The following PTPRG variants were observed in gnomAD, a reference collection of about 807,000 sequenced individuals.
PTPRG encodes the protein protein tyrosine phosphatase receptor type G.
In PTPRG, 102 loss-of-function variants were observed where a neutral mutation model predicts 165.3. The observed-to-expected ratio is 0.62, with a 90% CI of 0.53 to 0.73. The LOEUF (loss-of-function observed/expected upper bound fraction) is 0.73, where lower values mean the gene tolerates loss of function less well. Among genes scored for constraint, PTPRG ranks in the 30% least tolerant of loss-of-function variants. The pLI is 0.00. For synonymous variants in PTPRG, 675 were observed against 669.5 expected (o/e 1.01, Z -0.13); for missense variants, 1,866 against 1,861.4 (o/e 1.00, Z -0.05).
chr3:61,805,406 T>C (rs1339759923), intron 2 of PTPRG, among the ~76,000 whole-genome samples: 4 of 152,122 alleles, frequency 2.6e-5, no homozygotes, highest in African/African-American at 9.7e-5. Flanking sequence ...GTATGTGTCT[T>C]TCTCCTTATT....
chr3:61,671,685 A>C (rs1267693622), intron 1 of PTPRG, among the ~76,000 whole-genome samples: 3 of 148,558 alleles, frequency 2.0e-5, no homozygotes, highest in African/African-American at 7.5e-5. Context: ...GTGGCCGGGC[A>C]GAGGGGCTCC....
At chr3:61,988,804 G>A (rs1204138982) in intron 2 of PTPRG, among the ~76,000 whole-genome samples, 2 of 152,208 alleles carry the variant, frequency 1.3e-5, no homozygotes, top group Non-Finnish European at 2.9e-5. Flanking sequence ...TGTAGTCAAC[G>A]TAATAGAAAC....
intron 2 of PTPRG, among the ~76,000 whole-genome samples, chr3:61,773,195 G>A (rs758113074): frequency 3.3e-5 from 5 of 152,240 alleles, no homozygotes; most frequent in Non-Finnish European, 7.4e-5. Context: ...GGAAGAGTGT[G>A]TTATTGATGC....
intron 2 of PTPRG, among the ~76,000 whole-genome samples, chr3:61,870,400 C>T (rs2037532586): frequency 6.7e-6 from 1 of 149,474 alleles, no homozygotes; most frequent in African/African-American, 2.5e-5. Flanking sequence ...GCAGCCTCCA[C>T]CTCCTGGGTT....
intron 29 of PTPRG, among the ~76,000 whole-genome samples, chr3:62,292,929 C>G (rs1019151206): frequency 6.6e-6 from 1 of 152,126 alleles, no homozygotes; most frequent in Non-Finnish European, 1.5e-5. Flanking sequence ...CATTAACAAT[C>G]AGCACTGAGA....
At chr3:61,690,206 C>G (rs1393126077) in intron 1 of PTPRG, among the ~76,000 whole-genome samples, 5 of 152,180 alleles carry the variant, frequency 3.3e-5, no homozygotes, top group Non-Finnish European at 2.9e-5. Flanking sequence ...GGCAGATGGC[C>G]TGGAATGCAG....
At chr3:61,974,222 T>C (rs2040449210) in intron 2 of PTPRG, among the ~76,000 whole-genome samples, 1 of 149,514 alleles carries the variant, frequency 6.7e-6, no homozygotes, top group Admixed American at 6.6e-5. Context: ...CAATTAGTTG[T>C]ACATGGAACT....
chr3:61,619,846 A>G (rs1475883353), intron 1 of PTPRG, among the ~76,000 whole-genome samples: 1 of 152,110 alleles, frequency 6.6e-6, no homozygotes, highest in African/African-American at 2.4e-5. Context: ...GACTGTTTTG[A>G]ACCCTAGGAA....
At chr3:62,139,156 G>C (rs1703829810) in intron 6 of PTPRG, among the ~76,000 whole-genome samples, 1 of 152,146 alleles carries the variant, frequency 6.6e-6, no homozygotes, top group African/African-American at 2.4e-5. Flanking sequence ...GGAAATGTGA[G>C]GGGGACAGTC....
intron 5 of PTPRG, among the ~76,000 whole-genome samples, chr3:62,089,395 T>G (rs1178327493): frequency 6.6e-6 from 1 of 152,230 alleles, no homozygotes; most frequent in Non-Finnish European, 1.5e-5. Context: ...ATCTTGATCT[T>G]GGTAACACTG....
intron 2 of PTPRG, among the ~76,000 whole-genome samples, chr3:61,915,774 A>G (rs1241225021): frequency 6.6e-6 from 1 of 152,220 alleles, no homozygotes; most frequent in Non-Finnish European, 1.5e-5. Context: ...ACGCAATCAC[A>G]GAGGGTAAGA....
rs1206600939 is a variant in PTPRG, at chr3:62,178,055, G to GTGGA, written c.1033+9907_1033+9910dup. Among the ~76,000 whole-genome samples, 268 of 64,846 alleles carry GTGGA rather than the reference G, an allele frequency of 4.1e-3. 2 individuals carry two copies. Among genetic ancestry groups the GTGGA allele is most frequent in the African/African-American group, 0.015 (254 of 17,056 alleles). 42.5% of individuals were successfully genotyped at this position (64,846 alleles called of 152,430 possible). A position where few individuals can be genotyped will look rare whatever the true frequency, so the allele number is the denominator to read the frequency against. On this transcript the variant is annotated intron_variant, in intron 8 of 29. Transcript: ENST00000474889. ...GATGGGTTGTTGGGTGGGTGGGTGG[G>GTGGA]TGGATGGATGGATGGATGAAAATGT...
intron 1 of PTPRG, among the ~76,000 whole-genome samples, chr3:61,589,426 C>G (rs1227024908): frequency 6.6e-6 from 1 of 152,152 alleles, no homozygotes; most frequent in Non-Finnish European, 1.5e-5. Flanking sequence ...CCATGAGATA[C>G]AAGGGTCTTC....
intron 2 of PTPRG, among the ~76,000 whole-genome samples, chr3:61,903,810 A>G (rs2038565991): frequency 1.3e-5 from 2 of 152,226 alleles, no homozygotes; most frequent in South Asian, 2.1e-4. Context: ...AAATTAAGTC[A>G]TGACCTTACA....
chr3:61,574,859 G>GT (rs1700140033), intron 1 of PTPRG, among the ~76,000 whole-genome samples: 1 of 152,102 alleles, frequency 6.6e-6, no homozygotes, highest in Non-Finnish European at 1.5e-5. Flanking sequence ...CCCTGGCTTC[G>GT]TAACAACCCC....
intron 1 of PTPRG, among the ~76,000 whole-genome samples, chr3:61,602,864 T>C (rs1178207147): frequency 6.6e-6 from 1 of 152,246 alleles, no homozygotes; most frequent in African/African-American, 2.4e-5. Flanking sequence ...CATAGACTTA[T>C]GTAAACTTAC....
chr3:62,036,776 C>T (rs114808372), intron 4 of PTPRG, among the ~76,000 whole-genome samples: 3,464 of 152,286 alleles, frequency 0.023, 56 homozygotes, highest in South Asian at 0.063. Flanking sequence ...TGCTTCAAAA[C>T]AAGCTAGAAG....
At chr3:61,969,191 A>G (rs2040334643) in intron 2 of PTPRG, among the ~76,000 whole-genome samples, 1 of 152,196 alleles carries the variant, frequency 6.6e-6, no homozygotes, top group Non-Finnish European at 1.5e-5. Context: ...ATAGTTAGCA[A>G]TGGTGACAGC....
intron 1 of PTPRG, among the ~76,000 whole-genome samples, chr3:61,610,901 G>C (rs1224405339): frequency 6.6e-6 from 1 of 151,816 alleles, no homozygotes; most frequent in Non-Finnish European, 1.5e-5. Flanking sequence ...CTACCTTCTG[G>C]GTTCAAGTGA....
Sources: gnomAD v4.1 joint callset for allele counts (sites outside exome capture counted in the v4.1 genomes callset) on GRCh38, gnomAD v4.1.1 for gene constraint, MANE v1.5 for transcripts, NCBI Gene and HGNC (gene_info 2026-07-23, HGNC 2026-07-21) for gene names.